Variants in LRP8 observed in about 807,000 individuals in gnomAD.
LRP8 encodes LDL receptor related protein 8, also known as low-density lipoprotein receptor-related protein 8.
LRP8 carries 46 observed loss-of-function variants against 111.6 expected under a neutral mutation model. That is an observed-to-expected ratio of 0.41 (90% CI 0.33 to 0.53). The LOEUF is 0.53. LRP8 is among the 20% of genes least tolerant of loss of function. LRP8 has a pLI of 0.20. For missense variants in LRP8, 959 were observed against 1,297.4 expected, an observed-to-expected ratio of 0.74 and a Z score of 4.01; for synonymous variants, 464 against 511.2, an observed-to-expected ratio of 0.91 and a Z score of 1.24.
rs1645696603 is a variant in LRP8, at chr1:53,244,945, A to AT, written c.*2072dup. 5 of 152,276 alleles carry AT rather than the reference A, an allele frequency of 3.3e-5. No homozygotes were observed. In the South Asian group the frequency reaches 1.0e-3, roughly 32 times the overall value. The allele number at this position is 152,276 out of a possible 1,614,324, so 9.4% of individuals were successfully genotyped here. On this transcript the variant is annotated 3_prime_UTR_variant, in exon 19 of 19. Coordinates refer to ENST00000306052, the MANE Select transcript of LRP8 (RefSeq NM_004631.5). ...ACCTGTTCTTAAAATTCTGTTTGGT[A>AT]TTGGTCATTCTAGGTCAACTGCATT...
chr1:53,312,285 C>T (rs1446050520), intron 2 of LRP8, among the ~76,000 whole-genome samples: 1 of 152,160 alleles, frequency 6.6e-6, no homozygotes, highest in East Asian at 1.9e-4. Context: ...GAATGTTTGG[C>T]CCTGCTCTTC....
At position 53,249,431 on chromosome 1, in the gene LRP8, C is replaced by G. The variant is rs540233470; in HGVS notation, c.2802G>C (p.Leu934=). The G allele has an allele frequency of 4.3e-6, 7 of 1,614,220 alleles. No homozygotes were observed. The highest frequency in any genetic ancestry group is 5.9e-6 in the Non-Finnish European group (7 of 1,180,044). The change falls in exon 18 of 19, where the codon CTG becomes CTC. Residue 934 remains leucine, a synonymous_variant. Transcript: ENST00000306052. The surrounding 1 kb of genome is among the most constrained non-coding windows in gnomAD (Gnocchi z 4.1). ...FVLPGEPRSQ[L]HQLPKNPLSE... is the part of the protein sequence containing the mutation. ...AAAGAGGGTTCTTCGGGAGTTGGTG[C>G]AGCTGTGACCTTGGTTCCCCCGGCA... is the stretch of plus-strand genomic sequence containing the variant.
At chr1:53,327,722 C>A in intron 1 of LRP8, 67 bp downstream of exon 1, 2 of 1,382,706 alleles carry the variant, frequency 1.4e-6, no homozygotes, top group South Asian at 1.4e-5. Context: ...CCCGCTCCGG[C>A]CTCCCGGCCG....
At chr1:53,308,894 C>T (rs1281505039) in intron 2 of LRP8, among the ~76,000 whole-genome samples, 1 of 152,230 alleles carries the variant, frequency 6.6e-6, no homozygotes, top group Non-Finnish European at 1.5e-5. Context: ...TCCTATGCTA[C>T]GTGACCCTGG....
chr1:53,277,826 G>A (rs1299139313), intron 4 of LRP8, among the ~76,000 whole-genome samples: 1 of 152,166 alleles, frequency 6.6e-6, no homozygotes, highest in African/African-American at 2.4e-5. Flanking sequence ...TGAGTTTCAT[G>A]TCCTTTTCAA....
chr1:53,248,122 A>G (rs933592263), intron 18 of LRP8, among the ~76,000 whole-genome samples: 49 of 152,252 alleles, frequency 3.2e-4, no homozygotes, highest in African/African-American at 1.1e-3. Flanking sequence ...CTAACAACAC[A>G]TAGGGCCCAG....
intron 6 of LRP8, chr1:53,274,793 A>T (rs192019880): frequency 8.3e-5 from 38 of 456,268 alleles, no homozygotes; most frequent in African/African-American, 7.0e-4. Flanking sequence ...CTTACACTGA[A>T]ATCTGCGGGG....
chr1:53,325,851 G>A (rs2100557268), intron 2 of LRP8, among the ~76,000 whole-genome samples: 1 of 152,356 alleles, frequency 6.6e-6, no homozygotes, highest in East Asian at 1.9e-4. Context: ...AGATGCTCCC[G>A]AATGATGAAT....
chr1:53,293,116 G>T lies in LRP8; in HGVS notation c.245-3427C>A, dbSNP rs1327374373. ...AAGGTGATGATGGGGCTCTGTTGCT[G>T]GGCACAGGACAACCAGATACCCCCC... is the stretch of plus-strand genomic sequence containing the variant. On this transcript the variant is annotated intron_variant, in intron 2 of 18. Transcript: ENST00000306052. The surrounding 1 kb of genome is among the most constrained non-coding windows in gnomAD (Gnocchi z 4.9). 2.0e-5 allele frequency among the ~76,000 whole-genome samples: 3 copies of T among 152,220 alleles called. No individual in the cohort carries two copies. Among genetic ancestry groups the T allele is most frequent in the Non-Finnish European group, 4.4e-5 (3 of 68,034 alleles).
chr1:53,280,063 G>A (rs1647054281), intron 4 of LRP8, among the ~76,000 whole-genome samples: 2 of 152,344 alleles, frequency 1.3e-5, no homozygotes, highest in African/African-American at 4.8e-5. Flanking sequence ...TCTGCCCTGT[G>A]ACGTCTGTGC....
chr1:53,271,376 C>T (rs1646756661), intron 6 of LRP8, 30 bp from the exon 7 acceptor site: 3 of 1,613,398 alleles, frequency 1.9e-6, no homozygotes, highest in Non-Finnish European at 2.5e-6. Context: ...CCTGAAGGTC[C>T]AGGAGCCCAG....
intron 3 of LRP8, among the ~76,000 whole-genome samples, chr1:53,286,725 T>G (rs1647612513): frequency 6.6e-6 from 1 of 152,230 alleles, no homozygotes; most frequent in South Asian, 2.1e-4. Flanking sequence ...ACACAAGAAT[T>G]GGGACCTTCT....
chr1:53,327,343 C>G, intron 1 of LRP8: 1 of 282,586 alleles, frequency 3.5e-6, no homozygotes. Flanking sequence ...CAGTGGGAGC[C>G]GCAGGCACAT....
chr1:53,247,198 C>G (rs1645753688), intron 18 of LRP8, 142 bp from the exon 19 acceptor site: 1 of 612,030 alleles, frequency 1.6e-6, no homozygotes, highest in Non-Finnish European at 2.7e-6. Context: ...AGGATTTATC[C>G]TATTTATTTT....
chr1:53,316,421 A>C (rs884586), intron 2 of LRP8, among the ~76,000 whole-genome samples: 11,960 of 152,258 alleles, frequency 0.079, 1,525 homozygotes, highest in African/African-American at 0.26. Context: ...AGCTCAGCAC[A>C]AAAATAAGTA....
intron 2 of LRP8, among the ~76,000 whole-genome samples, chr1:53,320,829 C>T (rs745768851): frequency 6.6e-6 from 1 of 152,212 alleles, no homozygotes; most frequent in Non-Finnish European, 1.5e-5. Context: ...CAAGCACCAG[C>T]CTCTGACCCC....
intron 2 of LRP8, among the ~76,000 whole-genome samples, chr1:53,297,077 T>G (rs1649868511): frequency 6.6e-6 from 1 of 152,054 alleles, no homozygotes; most frequent in Admixed American, 6.5e-5. Context: ...ATTCAAATCC[T>G]AACCCCTCCC....
chr1:53,309,384 T>C (rs1652587225), intron 2 of LRP8, among the ~76,000 whole-genome samples: 1 of 152,202 alleles, frequency 6.6e-6, no homozygotes, highest in Non-Finnish European at 1.5e-5. Context: ...CATCATCTCA[T>C]TTAATCTTCC....
In LRP8 at chr1:53,326,954, G is replaced by T. The variant is rs115158626; in HGVS notation, c.163C>A (p.Arg55=). Reference sequence around the variant, plus strand: ...ACAGAGGGGATGCAGCGCTCGTTCCGGCACTGGAATTGGTCCTTTTCGCAA... The same window carrying T: ...ACAGAGGGGATGCAGCGCTCGTTCCTGCACTGGAATTGGTCCTTTTCGCAA... ...KDCEKDQFQC[R]NERCIPSVWR... The change falls in exon 2 of 19, where the codon CGG becomes AGG. Residue 55 remains arginine (R), a synonymous_variant. Coordinates refer to ENST00000306052, the MANE Select transcript of LRP8 (RefSeq NM_004631.5). The T allele has an allele frequency of 2.9e-4, 464 of 1,613,838 alleles. No individual in the cohort carries two copies. The African/African-American group carries it at 5.2e-3, about 18-fold the overall frequency.
Sources: allele counts gnomAD v4.1 joint callset (sites outside exome capture counted in the v4.1 genomes callset), GRCh38; gene constraint gnomAD v4.1.1; non-coding constraint Gnocchi (gnomAD v3.1); transcripts MANE v1.5; gene names NCBI Gene and HGNC (gene_info 2026-07-23, HGNC 2026-07-21).